Variants in FTO observed in about 807,000 individuals in gnomAD.
FTO encodes FTO alpha-ketoglutarate dependent dioxygenase, also known as alpha-ketoglutarate-dependent dioxygenase FTO.
Under a neutral mutation model 63.9 loss-of-function variants are expected in FTO, and 47 were observed. That is an observed-to-expected ratio of 0.74 (90% confidence interval 0.58 to 0.94). The LOEUF is 0.94. Among genes scored for constraint, FTO ranks in the 40% least tolerant of loss-of-function variants. FTO has a pLI of 0.00. For missense variants in FTO, 562 were observed against 618.1 expected (o/e 0.91, Z 0.96); for synonymous variants, 207 against 224.4 (o/e 0.92, Z 0.69).
At chr16:53,873,597 AAT>A (rs898590399) in intron 4 of FTO, among the ~76,000 whole-genome samples, 187 bp from the exon 5 acceptor site, 7 of 150,946 alleles carry the variant, frequency 4.6e-5, no homozygotes, top group East Asian at 1.9e-4. Flanking sequence ...CATATAATGG[AAT>A]ATATATATAT....
At chr16:53,823,961 G>A (rs1009917625) in intron 2 of FTO, among the ~76,000 whole-genome samples, 6 of 152,100 alleles carry the variant, frequency 3.9e-5, no homozygotes, top group African/African-American at 1.2e-4. Flanking sequence ...ACATCCTTTA[G>A]TTCTACCTAC....
chr16:54,015,526 CACAAAT>C (rs2084423611), intron 8 of FTO, among the ~76,000 whole-genome samples: 1 of 151,850 alleles, frequency 6.6e-6, no homozygotes, highest in Admixed American at 6.6e-5. Context: ...ATGCCCATGG[CACAAAT>C]GCCCATGGCA....
intron 2 of FTO, among the ~76,000 whole-genome samples, chr16:53,819,699 T>C (rs1240019146): frequency 6.6e-6 from 1 of 152,134 alleles, no homozygotes; most frequent in Non-Finnish European, 1.5e-5. Flanking sequence ...TTTCAAAAAG[T>C]TTATTGATTA....
At chr16:53,725,073 C>T (rs57517318) in intron 1 of FTO, among the ~76,000 whole-genome samples, 8,852 of 152,114 alleles carry the variant, frequency 0.058, 841 homozygotes, top group African/African-American at 0.2. Context: ...CTGTATTATC[C>T]TTTAGGAATA....
chr16:53,785,914 GAAAAA>G lies in FTO; in HGVS notation c.46-24214_46-24210del, dbSNP rs764170371. On this transcript the variant is annotated intron_variant, in intron 1 of 8. Coordinates refer to ENST00000471389, the MANE Select transcript of FTO (RefSeq NM_001080432.3). ...ACAGAGCGAGACTCCATCTCAAAAA[GAAAAA>G]AAAAAAAAAAAGAAAGTCATGATAA... is the stretch of plus-strand genomic sequence containing the variant. Among the ~76,000 whole-genome samples, 511 of 102,344 alleles carry G rather than the reference GAAAAA, an allele frequency of 5.0e-3. 5 individuals carry two copies. Among genetic ancestry groups the G allele is most frequent in the Non-Finnish European group, 6.1e-3 (329 of 53,630 alleles). The allele number at this position is 102,344 out of a possible 152,430, so 67.1% of individuals were successfully genotyped here. A position where few individuals can be genotyped will look rare whatever the true frequency, so the allele number is the denominator to read the frequency against.
chr16:53,857,069 A>G (rs1219782951), intron 4 of FTO, among the ~76,000 whole-genome samples: 1 of 124,778 alleles, frequency 8.0e-6, no homozygotes, highest in Non-Finnish European at 1.5e-5. Context: ...TTGGTATGGA[A>G]GTATTTTTTT....
intron 4 of FTO, among the ~76,000 whole-genome samples, chr16:53,856,913 C>T (rs1056545096): frequency 2.0e-5 from 3 of 152,112 alleles, no homozygotes; most frequent in African/African-American, 7.2e-5. Flanking sequence ...TATTTTTGTT[C>T]ACACTGCTCT....
chr16:53,832,795 C>T (rs1376714006), intron 3 of FTO, among the ~76,000 whole-genome samples: 1 of 152,120 alleles, frequency 6.6e-6, no homozygotes, highest in Non-Finnish European at 1.5e-5. Context: ...TGGCATTAAG[C>T]ATCATCCCAC....
chr16:53,919,230 G>C (rs1453474828), intron 7 of FTO, among the ~76,000 whole-genome samples: 1 of 152,108 alleles, frequency 6.6e-6, no homozygotes, highest in Non-Finnish European at 1.5e-5. Flanking sequence ...CAGTAACATA[G>C]TATATGTGAG....
intron 8 of FTO, among the ~76,000 whole-genome samples, chr16:54,053,844 C>A (rs548833608): frequency 6.6e-6 from 1 of 152,176 alleles, no homozygotes; most frequent in Admixed American, 6.5e-5. Context: ...TTACAAATGC[C>A]AAATAAACAA....
chr16:53,764,475 C>CAAAAAAAAAA (rs56906281), intron 1 of FTO, among the ~76,000 whole-genome samples: 27 of 118,364 alleles, frequency 2.3e-4, no homozygotes, highest in East Asian at 5.2e-4. Context: ...ACTAAAAATA[C>CAAAAAAAAAA]AAAAAAAAAA....
intron 1 of FTO, among the ~76,000 whole-genome samples, chr16:53,786,745 T>G (rs547415962): frequency 3.3e-5 from 5 of 152,008 alleles, no homozygotes; most frequent in Non-Finnish European, 7.4e-5. Context: ...TTTAAGCTGG[T>G]TATTCCTGAC....
chr16:53,949,984 A>G (rs1249075382), intron 8 of FTO, among the ~76,000 whole-genome samples: 2 of 151,856 alleles, frequency 1.3e-5, no homozygotes, highest in Non-Finnish European at 2.9e-5. Context: ...TTACTGATGC[A>G]TGAAGGGTTG....
chr16:54,033,024 A>G (rs1290097518), intron 8 of FTO, among the ~76,000 whole-genome samples: 1 of 152,184 alleles, frequency 6.6e-6, no homozygotes, highest in Non-Finnish European at 1.5e-5. Context: ...TTCCAGTATC[A>G]AGCCTCCTGT....
chr16:53,786,477 A>G (rs1303843827), intron 1 of FTO, among the ~76,000 whole-genome samples: 3 of 152,232 alleles, frequency 2.0e-5, no homozygotes, highest in Non-Finnish European at 4.4e-5. Context: ...TGGCTCTTGA[A>G]TGAAATAGGA....
intron 1 of FTO, among the ~76,000 whole-genome samples, chr16:53,739,245 G>A (rs185662966): frequency 3.6e-3 from 546 of 150,754 alleles, no homozygotes; most frequent in Non-Finnish European, 6.3e-3. Context: ...TCGCTCTGTC[G>A]CCCAGGCTGG....
chr16:53,865,179 C>A (rs142791502), intron 4 of FTO, among the ~76,000 whole-genome samples: 144 of 152,262 alleles, frequency 9.5e-4, no homozygotes, highest in African/African-American at 3.3e-3. Flanking sequence ...ATTTCCTAGA[C>A]ATTGTCCCAG....
At chr16:53,843,016 T>C (rs1263333922) in intron 3 of FTO, among the ~76,000 whole-genome samples, 2 of 152,208 alleles carry the variant, frequency 1.3e-5, no homozygotes, top group Non-Finnish European at 2.9e-5. Context: ...TTTATTTTTT[T>C]CTCTGAAAAT....
chr16:53,937,303 T>C (rs2082412330), intron 8 of FTO: 1 of 398,516 alleles, frequency 2.5e-6, no homozygotes, highest in South Asian at 1.3e-4. Context: ...GGGTAAGTGT[T>C]AACAGAAGTG....
Sources: allele counts gnomAD v4.1 joint callset (sites outside exome capture counted in the v4.1 genomes callset), GRCh38; gene constraint gnomAD v4.1.1; transcripts MANE v1.5; gene names NCBI Gene and HGNC (gene_info 2026-07-23, HGNC 2026-07-21).